MLXIP: variants seen among roughly 807,000 people sequenced by gnomAD.
The protein encoded by MLXIP is MLX-interacting protein.
In MLXIP, 30 loss-of-function variants were observed where a neutral mutation model predicts 87.2. The ratio of observed to expected loss-of-function variants is 0.34; its 90% CI spans 0.26 to 0.47. The LOEUF is 0.47. Ranked by LOEUF, MLXIP falls within the 20% of genes least tolerant of loss-of-function variation. The pLI is 1.00. For missense variants in MLXIP, 1,002 were observed against 1,240.1 expected (o/e 0.81, Z 2.88); for synonymous variants, 530 against 514.0 (o/e 1.03, Z -0.42).
At chr12:122,103,938 G>A (rs1309158326) in intron 1 of MLXIP, among the ~76,000 whole-genome samples, 1 of 151,246 alleles carries the variant, frequency 6.6e-6, no homozygotes, top group African/African-American at 2.4e-5. Context: ...GTCTCCCAAA[G>A]TGCGGAGATT....
At chr12:122,122,494 G>C (rs1359592733) in intron 1 of MLXIP, among the ~76,000 whole-genome samples, 7 of 151,524 alleles carry the variant, frequency 4.6e-5, no homozygotes, top group Non-Finnish European at 1.0e-4. Context: ...CTTCCAAGTA[G>C]CCAGGACCAC....
At position 122,142,370 on chromosome 12, in the gene MLXIP, A is replaced by C. The variant is rs150749822; in HGVS notation, c.*558A>C. 5.5e-6 allele frequency: 3 copies of C among 548,712 alleles called. No homozygotes were observed. Among genetic ancestry groups the C allele is most frequent in the Middle Eastern group, 2.8e-4 (1 of 3,620 alleles). The allele number at this position is 548,712 out of a possible 1,614,324, so 34.0% of individuals were successfully genotyped here. ...CTTGGGCTTCTATTCAGGCTTATGC[A>C]TGGCAGGCTGCCAGGGGGAAGTGCC... On this transcript the variant is annotated 3_prime_UTR_variant, in exon 17 of 17. Coordinates refer to ENST00000319080, the MANE Select transcript of MLXIP (RefSeq NM_014938.6).
At chr12:122,094,209 AGT>A (rs1214187091) in intron 1 of MLXIP, among the ~76,000 whole-genome samples, 34 of 56,678 alleles carry the variant, frequency 6.0e-4, no homozygotes, top group African/African-American at 1.5e-3. Flanking sequence ...TGGTGTGTGG[AGT>A]GTGTGGGTGT....
chr12:122,104,105 A>G (rs1952482823), intron 1 of MLXIP, among the ~76,000 whole-genome samples: 1 of 152,218 alleles, frequency 6.6e-6, no homozygotes, highest in African/African-American at 2.4e-5. Context: ...TCCTTACATT[A>G]TCCCCAACCC....
chr12:122,109,396 G>T (rs1013382884), intron 1 of MLXIP, among the ~76,000 whole-genome samples: 6 of 152,248 alleles, frequency 3.9e-5, no homozygotes, highest in Admixed American at 2.6e-4. Context: ...TAGTGATGGG[G>T]TTTTGCCATG....
intron 1 of MLXIP, among the ~76,000 whole-genome samples, chr12:122,120,126 A>C (rs1409715826): frequency 1.3e-5 from 2 of 151,990 alleles, no homozygotes; most frequent in African/African-American, 4.8e-5. Context: ...TCTGCCTTGA[A>C]AGTAATGAAG....
intron 1 of MLXIP, among the ~76,000 whole-genome samples, chr12:122,088,827 G>A (rs1013572863): frequency 6.6e-6 from 1 of 151,980 alleles, no homozygotes; most frequent in South Asian, 2.1e-4. Context: ...AGAAAGCAGG[G>A]GAATTAGCCT....
intron 1 of MLXIP, among the ~76,000 whole-genome samples, chr12:122,099,698 C>G (rs1036775369): frequency 5.3e-5 from 8 of 152,246 alleles, no homozygotes; most frequent in Non-Finnish European, 1.0e-4. Context: ...CTTTCTGATG[C>G]CAACTTAGGT....
At chr12:122,093,111 G>T (rs1952273237) in intron 1 of MLXIP, among the ~76,000 whole-genome samples, 1 of 132,400 alleles carries the variant, frequency 7.6e-6, no homozygotes, top group African/African-American at 2.7e-5. Flanking sequence ...GTGTGTGTTG[G>T]TGTGTGGGAT....
chr12:122,114,065 G>A (rs909702260), intron 1 of MLXIP, among the ~76,000 whole-genome samples: 9 of 143,754 alleles, frequency 6.3e-5, no homozygotes, highest in African/African-American at 1.8e-4. Flanking sequence ...GGCTCACCGC[G>A]CAACCTCTGC....
intron 1 of MLXIP, among the ~76,000 whole-genome samples, chr12:122,099,656 T>C (rs1293220557): frequency 6.6e-6 from 1 of 152,236 alleles, no homozygotes; most frequent in Non-Finnish European, 1.5e-5. Flanking sequence ...CTGAACTCCC[T>C]CAGGGGGAGG....
chr12:122,102,881 G>A (rs1195239838), intron 1 of MLXIP, among the ~76,000 whole-genome samples: 1 of 152,246 alleles, frequency 6.6e-6, no homozygotes, highest in African/African-American at 2.4e-5. Context: ...TGTAGAGACA[G>A]AAAGTGGATC....
chr12:122,116,712 G>C (rs1262349236), intron 1 of MLXIP, among the ~76,000 whole-genome samples: 1 of 152,192 alleles, frequency 6.6e-6, no homozygotes, highest in Non-Finnish European at 1.5e-5. Flanking sequence ...TAAAACTCAG[G>C]AGCATGCCTC....
At chr12:122,108,134 C>T (rs1256755384) in intron 1 of MLXIP, among the ~76,000 whole-genome samples, 1 of 152,012 alleles carries the variant, frequency 6.6e-6, no homozygotes, top group Non-Finnish European at 1.5e-5. Context: ...CTTTGGGAGG[C>T]TGAGGCGGGT....
intron 15 of MLXIP, among the ~76,000 whole-genome samples, chr12:122,139,597 A>G (rs1045513571): frequency 2.0e-5 from 3 of 152,174 alleles, no homozygotes; most frequent in Non-Finnish European, 2.9e-5. Flanking sequence ...GCAGGAGGAG[A>G]GAATCCCAGC....
At chr12:122,119,448 A>G (rs540114431) in intron 1 of MLXIP, among the ~76,000 whole-genome samples, 9 of 151,886 alleles carry the variant, frequency 5.9e-5, no homozygotes, top group East Asian at 3.9e-4. Flanking sequence ...CTGGAGTGCA[A>G]TGGCGCAATC....
rs1952045481 is a variant in MLXIP, at chr12:122,078,771, C to G, written c.-83C>G. 2.0e-6 allele frequency: 2 copies of G among 1,011,808 alleles called. No individual in the cohort carries two copies. Among genetic ancestry groups the G allele is most frequent in the Admixed American group, 5.9e-5 (1 of 16,982 alleles). The allele number at this position is 1,011,808 out of a possible 1,614,324, so 62.7% of individuals were successfully genotyped here. ...GCTCGCGGACAGTCGGCGCGCGGGC[C>G]GGGCCGGGCCGGCGCCCCTCTGCCT... On this transcript the variant is annotated 5_prime_UTR_variant, in exon 1 of 17. Transcript: ENST00000319080.
chr12:122,108,448 C>A (rs927320500), intron 1 of MLXIP, among the ~76,000 whole-genome samples: 1 of 150,628 alleles, frequency 6.6e-6, no homozygotes, highest in Non-Finnish European at 1.5e-5. Flanking sequence ...ATCATATTAT[C>A]ATTCTTCCTT....
chr12:122,113,226 G>A (rs1952631303), intron 1 of MLXIP, among the ~76,000 whole-genome samples: 1 of 152,138 alleles, frequency 6.6e-6, no homozygotes, highest in Non-Finnish European at 1.5e-5. Flanking sequence ...ACCTATTTAA[G>A]CATTATGTTA....
Sources: allele counts gnomAD v4.1 joint callset (sites outside exome capture counted in the v4.1 genomes callset), GRCh38; gene constraint gnomAD v4.1.1; transcripts MANE v1.5; gene names NCBI Gene and HGNC (gene_info 2026-07-23, HGNC 2026-07-21).